DNER: variants seen among roughly 807,000 people sequenced by gnomAD.
DNER encodes the protein delta and Notch-like epidermal growth factor-related receptor.
DNER carries 33 observed loss-of-function variants against 78.2 expected under a neutral mutation model. The ratio of observed to expected loss-of-function variants is 0.42; its 90% confidence interval spans 0.32 to 0.56. The LOEUF is 0.56. Among genes scored for constraint, DNER ranks in the 20% least tolerant of loss-of-function variants. The probability of loss-of-function intolerance (pLI) is 0.11; values close to 1 mark genes in which losing one functional copy is unlikely to be tolerated. For missense variants in DNER, 918 were observed against 975.3 expected (o/e 0.94, Z 0.78); for synonymous variants, 417 against 384.8 (o/e 1.08, Z -0.98).
chr2:229,359,753 C>T (rs6436860), intron 12 of DNER, among the ~76,000 whole-genome samples: 109,222 of 151,980 alleles, frequency 0.72, 39,895 homozygotes, highest in East Asian at 0.91. Context: ...TAGAATCAAG[C>T]GGGAAATGAG....
intron 12 of DNER, among the ~76,000 whole-genome samples, chr2:229,360,180 A>G (rs914509305): frequency 6.6e-6 from 1 of 152,188 alleles, no homozygotes; most frequent in Non-Finnish European, 1.5e-5. Flanking sequence ...AGGCTGCTTT[A>G]AGATGCAAAC....
At chr2:229,674,673 C>T (rs991678969) in intron 1 of DNER, among the ~76,000 whole-genome samples, 1 of 152,198 alleles carries the variant, frequency 6.6e-6, no homozygotes, top group African/African-American at 2.4e-5. Flanking sequence ...CTTATCATGT[C>T]ACCATTCATT....
chr2:229,542,744 AATC>A (rs1361844448), intron 5 of DNER, among the ~76,000 whole-genome samples: 1 of 150,380 alleles, frequency 6.6e-6, no homozygotes, highest in Non-Finnish European at 1.5e-5. Flanking sequence ...CCATTGCAAC[AATC>A]ATAAAAAGTC....
intron 1 of DNER, among the ~76,000 whole-genome samples, chr2:229,676,895 A>G (rs887879505): frequency 6.6e-6 from 1 of 152,060 alleles, no homozygotes; most frequent in Non-Finnish European, 1.5e-5. Context: ...CTGCAGATAC[A>G]TCTGTTCTTT....
chr2:229,456,314 C>A (rs1383456822), intron 7 of DNER, among the ~76,000 whole-genome samples: 6 of 151,708 alleles, frequency 4.0e-5, no homozygotes, highest in Non-Finnish European at 8.8e-5. Flanking sequence ...CACTGAGTCA[C>A]TCATGATGGA....
At chr2:229,445,432 G>T (rs1461998379) in intron 8 of DNER, among the ~76,000 whole-genome samples, 1 of 152,202 alleles carries the variant, frequency 6.6e-6, no homozygotes. Context: ...ATGTTACTGC[G>T]ATAGTTCATT....
At chr2:229,459,660 G>A (rs902886441) in intron 7 of DNER, among the ~76,000 whole-genome samples, 1 of 152,048 alleles carries the variant, frequency 6.6e-6, no homozygotes, top group African/African-American at 2.4e-5. Flanking sequence ...CCAAATCTGT[G>A]CTCTTAAGCC....
At chr2:229,395,716 T>C (rs1693122559) in intron 10 of DNER, among the ~76,000 whole-genome samples, 1 of 152,054 alleles carries the variant, frequency 6.6e-6, no homozygotes, top group Non-Finnish European at 1.5e-5. Flanking sequence ...CTGGCCAACA[T>C]GGTAAAACCC....
rs58220819 is a variant in DNER, at chr2:229,635,361, G to GAAAAAAA, written c.277-43480_277-43474dup. Among the ~76,000 whole-genome samples, 7 of 85,868 alleles carry GAAAAAAA rather than the reference G, an allele frequency of 8.2e-5. 1 individual carries two copies. Among genetic ancestry groups the GAAAAAAA allele is most frequent in the South Asian group, 1.1e-3 (2 of 1,878 alleles). The allele number at this position is 85,868 out of a possible 152,430, so 56.3% of individuals were successfully genotyped here. ...CTATGGATGCACTAAGGTCCCACAG[G>GAAAAAAA]AAAAAAAAAAAAAAAAAAAAAAAAC... On this transcript the variant is annotated intron_variant, in intron 1 of 12. Coordinates refer to ENST00000341772, the MANE Select transcript of DNER (RefSeq NM_139072.4).
intron 6 of DNER, among the ~76,000 whole-genome samples, chr2:229,496,429 A>G (rs1051294414): frequency 4.6e-5 from 7 of 152,186 alleles, no homozygotes; most frequent in African/African-American, 1.7e-4. Context: ...AACTATAAAC[A>G]AAAAGAGAGT....
At chr2:229,603,537 A>G (rs1428291868) in intron 1 of DNER, among the ~76,000 whole-genome samples, 4 of 152,330 alleles carry the variant, frequency 2.6e-5, no homozygotes, top group Admixed American at 1.3e-4. Context: ...AATTCCCCAA[A>G]CACAATGTTT....
At chr2:229,399,437 A>G (rs907823669) in intron 10 of DNER, among the ~76,000 whole-genome samples, 1 of 152,026 alleles carries the variant, frequency 6.6e-6, no homozygotes, top group African/African-American at 2.4e-5. Context: ...CATGAATTGG[A>G]AAACTCCAAA....
At chr2:229,369,639 T>C (rs1479102021) in intron 11 of DNER, among the ~76,000 whole-genome samples, 1 of 152,212 alleles carries the variant, frequency 6.6e-6, no homozygotes, top group Non-Finnish European at 1.5e-5. Context: ...TGAGGATTAC[T>C]GAGCATGGCC....
At chr2:229,394,583 G>A (rs1308353552) in intron 10 of DNER, among the ~76,000 whole-genome samples, 2 of 152,250 alleles carry the variant, frequency 1.3e-5, no homozygotes, top group East Asian at 3.9e-4. Context: ...GAGTGGTGTG[G>A]CTCACCTTTT....
Position 229,714,521 on chromosome 2 carries a change from G to C in DNER, c.-98C>G. The C allele has an allele frequency of 1.9e-6, 2 of 1,054,422 alleles. No individual in the cohort carries two copies. Among genetic ancestry groups the C allele is most frequent in the South Asian group, 4.4e-5 (1 of 22,780 alleles). The allele number at this position is 1,054,422 out of a possible 1,614,324, so 65.3% of individuals were successfully genotyped here. A position where few individuals can be genotyped will look rare whatever the true frequency, so the allele number is the denominator to read the frequency against. The stretch of plus-strand genomic sequence containing the variant: ...GCTGCGAGAGCGACGGTGGCGGCTA[G>C]GGCTGCTCCGCCGGGCCGGGCGCCT... On this transcript the variant is annotated 5_prime_UTR_variant, in exon 1 of 13. Transcript: ENST00000341772.
intron 1 of DNER, among the ~76,000 whole-genome samples, chr2:229,678,185 A>G (rs1340512518): frequency 2.0e-5 from 3 of 152,196 alleles, no homozygotes; most frequent in African/African-American, 7.2e-5. Context: ...GGCAGTACAC[A>G]GTGGCAGCCA....
chr2:229,489,782 G>C (rs910307548), intron 6 of DNER, among the ~76,000 whole-genome samples: 1 of 152,166 alleles, frequency 6.6e-6, no homozygotes, highest in Non-Finnish European at 1.5e-5. Flanking sequence ...TGGAAGCCAG[G>C]TGAGAAGGCT....
At chr2:229,415,456 C>G (rs1243917021) in intron 9 of DNER, among the ~76,000 whole-genome samples, 1 of 152,176 alleles carries the variant, frequency 6.6e-6, no homozygotes, top group East Asian at 1.9e-4. Context: ...TTGTTTAAGC[C>G]AGTACCGGGT....
At chr2:229,415,555 C>A (rs1445610441) in intron 9 of DNER, among the ~76,000 whole-genome samples, 1 of 152,238 alleles carries the variant, frequency 6.6e-6, no homozygotes, top group Non-Finnish European at 1.5e-5. Context: ...TATTACCATT[C>A]ACAATCACAT....
Sources: gnomAD v4.1 joint callset for allele counts (sites outside exome capture counted in the v4.1 genomes callset) on GRCh38, gnomAD v4.1.1 for gene constraint, MANE v1.5 for transcripts, NCBI Gene and HGNC (gene_info 2026-07-23, HGNC 2026-07-21) for gene names.